CEP85L: variants seen among roughly 807,000 people sequenced by gnomAD.
CEP85L encodes centrosomal protein 85L, also known as centrosomal protein of 85 kDa-like.
CEP85L carries 60 observed loss-of-function variants against 100.3 expected under a neutral mutation model. That is an observed-to-expected ratio of 0.60 (90% CI 0.49 to 0.74). The LOEUF is 0.74. CEP85L is among the 30% of genes least tolerant of loss of function. CEP85L has a pLI of 0.00. For synonymous variants in CEP85L, 319 were observed against 322.7 expected (o/e 0.99, Z 0.12); for missense variants, 973 against 936.2 (o/e 1.04, Z -0.51).
At chr6:118,656,882 G>A (rs541861223), upstream of CEP85L, 1 of 152,272 alleles carries the variant, frequency 6.6e-6, no homozygotes, top group Admixed American at 6.5e-5. Context: ...AAGCTCAGCC[G>A]AGATACTTGG....
At chr6:118,531,563 G>C (rs774669152) in intron 3 of CEP85L, among the ~76,000 whole-genome samples, 5 of 151,932 alleles carry the variant, frequency 3.3e-5, no homozygotes, top group Admixed American at 6.6e-5. Flanking sequence ...ACTATCAACA[G>C]AATAAACAAA....
Position 118,709,225 on chromosome 6 carries a change from T to C in CEP85L, c.-28+811A>G, listed in dbSNP as rs554208541. Among the ~76,000 whole-genome samples the C allele has an allele frequency of 4.6e-5, 7 of 152,290 alleles. No individual in the cohort carries two copies. In the East Asian group the frequency reaches 1.4e-3, roughly 29 times the overall value. On this transcript the variant is annotated intron_variant, in intron 1 of 13. Transcript: ENST00000368488. ...CATGAGAACATTCCCCCAGTCTAAGTGCTGCCTGGCTTTACTCCCACATCA... is the reference window on the plus strand; with the variant it reads ...CATGAGAACATTCCCCCAGTCTAAGCGCTGCCTGGCTTTACTCCCACATCA...
chr6:118,622,273 C>G (rs1347967063), intron 2 of CEP85L, among the ~76,000 whole-genome samples: 1 of 152,208 alleles, frequency 6.6e-6, no homozygotes, highest in Non-Finnish European at 1.5e-5. Context: ...CAGATAACCA[C>G]CTACTCAAAT....
chr6:118,556,890 TATAATTTTTC>T (rs1382778049), intron 3 of CEP85L, among the ~76,000 whole-genome samples: 1 of 152,230 alleles, frequency 6.6e-6, no homozygotes, highest in African/African-American at 2.4e-5. Flanking sequence ...TCAGTCTATA[TATAATTTTTC>T]TGTAATGACA....
At chr6:118,525,276 G>C (rs1776900426) in intron 3 of CEP85L, among the ~76,000 whole-genome samples, 1 of 152,114 alleles carries the variant, frequency 6.6e-6, no homozygotes. Context: ...AACTAACATG[G>C]CAGATATCCT....
chr6:118,667,665 TTTCTC>T (rs1187157453), intron 1 of CEP85L, among the ~76,000 whole-genome samples: 1 of 152,216 alleles, frequency 6.6e-6, no homozygotes, highest in Non-Finnish European at 1.5e-5. Context: ...TTTTCATTCA[TTTCTC>T]TATTCACAAG....
intron 2 of CEP85L, among the ~76,000 whole-genome samples, chr6:118,571,250 A>T (rs1474246018): frequency 5.3e-5 from 8 of 152,240 alleles, no homozygotes; most frequent in African/African-American, 1.7e-4. Context: ...TGTAGCCACA[A>T]ATCCCAAATG....
At chr6:118,628,637 A>AAAAC (rs138925552) in intron 2 of CEP85L, among the ~76,000 whole-genome samples, 4,466 of 150,548 alleles carry the variant, frequency 0.03, 434 homozygotes, top group Admixed American at 0.2. Context: ...TCCATCCAAA[A>AAAAC]AAACAAACAA....
In CEP85L at chr6:118,544,481, T is replaced by C. The variant is rs146192106; in HGVS notation, c.1021-20561A>G. ...ATGTTAAATTTTCATTTCCATATTA[T>C]TTGTATACTGATAAACCATAATTTC... On this transcript the variant is annotated intron_variant, in intron 3 of 12. Transcript: ENST00000368491. 8.7e-3 allele frequency among the ~76,000 whole-genome samples: 1,324 copies of C among 152,306 alleles called. 6 individuals carry two copies. The highest frequency in any genetic ancestry group is 0.011 in the South Asian group (55 of 4,826).
At chr6:118,592,196 T>C (rs1443065770) in intron 2 of CEP85L, among the ~76,000 whole-genome samples, 1 of 152,214 alleles carries the variant, frequency 6.6e-6, no homozygotes, top group African/African-American at 2.4e-5. Flanking sequence ...CTTTGGATTC[T>C]GCCTTCCAAA....
chr6:118,618,418 G>A (rs201511984), intron 2 of CEP85L, among the ~76,000 whole-genome samples: 1 of 152,178 alleles, frequency 6.6e-6, no homozygotes, highest in Non-Finnish European at 1.5e-5. Context: ...CCCCACCATC[G>A]TGTATGGTCT....
intron 6 of CEP85L, among the ~76,000 whole-genome samples, chr6:118,490,211 C>T (rs1189923859): frequency 6.6e-6 from 1 of 152,100 alleles, no homozygotes; most frequent in African/African-American, 2.4e-5. Flanking sequence ...GTGGGAGTTA[C>T]TCTTCGATGC....
At chr6:118,656,345 A>T (rs1228407460), upstream of CEP85L, among the ~76,000 whole-genome samples, 1 of 152,258 alleles carries the variant, frequency 6.6e-6, no homozygotes. Flanking sequence ...AGAGAAGGTC[A>T]TGGGAATAAA....
chr6:118,616,884 G>A (rs901246685), intron 2 of CEP85L, among the ~76,000 whole-genome samples: 18 of 151,056 alleles, frequency 1.2e-4, no homozygotes, highest in Non-Finnish European at 2.2e-4. Flanking sequence ...GGCGGAGCTT[G>A]CAGTGAACCA....
At chr6:118,646,153 G>C (rs6909211) in intron 1 of CEP85L, among the ~76,000 whole-genome samples, 102,642 of 151,888 alleles carry the variant, frequency 0.68, 35,393 homozygotes, top group Middle Eastern at 0.74. Context: ...TGAGGCGGAG[G>C]TTGCAGTGAG....
upstream of CEP85L, among the ~76,000 whole-genome samples, chr6:118,656,364 A>G (rs913671265): frequency 7.2e-5 from 11 of 152,340 alleles, no homozygotes; most frequent in African/African-American, 2.6e-4. Flanking sequence ...AAGGAGTGGA[A>G]CTTTTACAAT....
intron 1 of CEP85L, among the ~76,000 whole-genome samples, chr6:118,686,146 T>A (rs1372678984): frequency 6.6e-6 from 1 of 151,166 alleles, no homozygotes; most frequent in African/African-American, 2.4e-5. Context: ...TCTGTGGAGA[T>A]GGAGGGTCCA....
intron 7 of CEP85L, among the ~76,000 whole-genome samples, chr6:118,483,103 G>A (rs939301253): frequency 5.3e-5 from 8 of 152,078 alleles, no homozygotes; most frequent in East Asian, 1.9e-4. Flanking sequence ...CAATAGTGCC[G>A]AGGTCAAGAA....
chr6:118,698,561 A>G (rs1467282131), intron 1 of CEP85L, among the ~76,000 whole-genome samples: 1 of 151,204 alleles, frequency 6.6e-6, no homozygotes, highest in East Asian at 1.9e-4. Context: ...AGGATTGTCC[A>G]GATGAACGCT....
Sources: gnomAD v4.1 joint callset for allele counts (sites outside exome capture counted in the v4.1 genomes callset) on GRCh38, gnomAD v4.1.1 for gene constraint, MANE v1.5 for transcripts, NCBI Gene and HGNC (gene_info 2026-07-23, HGNC 2026-07-21) for gene names.